NIT2: variants seen among roughly 807,000 people sequenced by gnomAD.
The protein encoded by NIT2 is nitrilase family member 2, also known as omega-amidase NIT2.
NIT2 carries 46 observed loss-of-function variants against 42.7 expected under a neutral mutation model. The observed-to-expected ratio is 1.08, with a 90% CI of 0.85 to 1.38. The LOEUF is 1.38. Ranked by LOEUF, NIT2 falls within the 40% of genes most tolerant of loss-of-function variation. NIT2 has a pLI of 0.00. For synonymous variants in NIT2, 123 were observed against 121.9 expected (o/e 1.01, Z -0.06); for missense variants, 309 against 342.5 (o/e 0.90, Z 0.77).
chr3:100,334,901 T>TC, intron 1 of NIT2, 103 bp downstream of exon 1: 1 of 1,107,342 alleles, frequency 9.0e-7, no homozygotes, highest in Non-Finnish European at 1.1e-6. Context: ...CCGCCCCGCG[T>TC]CCCCGCCGTG....
rs1228251910 is a variant in NIT2 at position 100,361,347 on chromosome 3, A to G, written c.*6079A>G. The stretch of plus-strand genomic sequence containing the variant: ...GTATTTGCTCTAGGTAAGCTGTTTC[A>G]TAGCCTTCCAGGACAACACTTGCAC... On this transcript the variant is annotated 3_prime_UTR_variant, in exon 10 of 10. Coordinates refer to ENST00000394140, the MANE Select transcript of NIT2 (RefSeq NM_020202.5). 6.6e-6 allele frequency: 1 copy of G among 152,200 alleles called. No homozygotes were observed. Among genetic ancestry groups the G allele is most frequent in the Non-Finnish European group, 1.5e-5 (1 of 68,040 alleles). The allele number at this position is 152,200 out of a possible 1,614,324, so 9.4% of individuals were successfully genotyped here. A position where few individuals can be genotyped will look rare whatever the true frequency, so the allele number is the denominator to read the frequency against.
At chr3:100,336,333 G>T (rs540288991) in intron 1 of NIT2, among the ~76,000 whole-genome samples, 1 of 152,184 alleles carries the variant, frequency 6.6e-6, no homozygotes, top group Non-Finnish European at 1.5e-5. Flanking sequence ...AATTGAAGGG[G>T]TGGGTTGCCC....
Position 100,356,577 on chromosome 3 carries a change from G to A in NIT2, c.*1309G>A, listed in dbSNP as rs1576205142. The A allele has an allele frequency of 6.6e-6, 1 of 152,226 alleles. No individual in the cohort carries two copies. The highest frequency in any genetic ancestry group is 6.5e-5 in the Admixed American group (1 of 15,300). The allele number at this position is 152,226 out of a possible 1,614,324, so 9.4% of individuals were successfully genotyped here. A position where few individuals can be genotyped will look rare whatever the true frequency, so the allele number is the denominator to read the frequency against. ...AATGACACGGTGTCATTTAACTTCT[G>A]GAAAACAACACTGTGTACTGAGAAC... On this transcript the variant is annotated 3_prime_UTR_variant, in exon 10 of 10. Transcript: ENST00000394140.
intron 8 of NIT2, among the ~76,000 whole-genome samples, chr3:100,353,130 A>G (rs951583156): frequency 6.6e-6 from 1 of 152,198 alleles, no homozygotes. Context: ...AATTGTTCTT[A>G]TTAAGCCCAG....
At chr3:100,345,425 G>C (rs976448631) in intron 4 of NIT2, among the ~76,000 whole-genome samples, 160 bp from the exon 5 acceptor site, 1 of 152,156 alleles carries the variant, frequency 6.6e-6, no homozygotes, top group African/African-American at 2.4e-5. Flanking sequence ...TTTTGATAAG[G>C]TGTCAGCCAG....
At chr3:100,344,394 A>G (rs1177213043) in intron 4 of NIT2, among the ~76,000 whole-genome samples, 1 of 152,218 alleles carries the variant, frequency 6.6e-6, no homozygotes, top group Admixed American at 6.5e-5. Context: ...AACCACAAGA[A>G]AACTGGTCTG....
rs189382050 is a variant in NIT2 at position 100,351,174 on chromosome 3, C to T, written c.585-1230C>T. 3.6e-3 allele frequency among the ~76,000 whole-genome samples: 552 copies of T among 152,246 alleles called. 4 individuals carry two copies. Among genetic ancestry groups the T allele is most frequent in the African/African-American group, 0.013 (528 of 41,524 alleles). On this transcript the variant is annotated intron_variant, in intron 7 of 9. Transcript: ENST00000394140. ...TAGTGCTGCAATAAACATATGTGTG[C>T]ATGTGTCTTTATAGCAGCATGATTT... is the stretch of plus-strand genomic sequence containing the variant.
rs371288028 is a variant in NIT2 at position 100,336,506 on chromosome 3, C to T, written c.7+1708C>T. Among the ~76,000 whole-genome samples the T allele has an allele frequency of 3.2e-3, 486 of 152,156 alleles. 3 individuals carry two copies. Among genetic ancestry groups the T allele is most frequent in the African/African-American group, 0.011 (457 of 41,492 alleles). On this transcript the variant is annotated intron_variant, in intron 1 of 9. Coordinates refer to ENST00000394140, the MANE Select transcript of NIT2 (RefSeq NM_020202.5). ...AGTTCCCTTAGTATTTATGATCATTCTTGGGTGTTTCTCGGAGAGGGGGAT... is the reference window on the plus strand; with the variant it reads ...AGTTCCCTTAGTATTTATGATCATTTTTGGGTGTTTCTCGGAGAGGGGGAT...
intron 1 of NIT2, among the ~76,000 whole-genome samples, chr3:100,338,062 C>A (rs1706098617): frequency 1.3e-5 from 2 of 152,118 alleles, no homozygotes; most frequent in African/African-American, 4.8e-5. Context: ...CAGAACAAGG[C>A]CCTGCCTCAA....
At chr3:100,346,775 T>C (rs997093376) in intron 6 of NIT2, among the ~76,000 whole-genome samples, 1 of 152,160 alleles carries the variant, frequency 6.6e-6, no homozygotes, top group Admixed American at 6.5e-5. Context: ...AGGAATGATA[T>C]GAGGATTAAG....
intron 6 of NIT2, 85 bp downstream of exon 6, chr3:100,346,340 G>A: frequency 8.5e-7 from 1 of 1,177,288 alleles, no homozygotes; most frequent in Non-Finnish European, 1.2e-6. Flanking sequence ...GTCAAGAAAA[G>A]CTGGGAGAGG....
At chr3:100,341,289 T>G in intron 4 of NIT2, 128 bp downstream of exon 4, 1 of 637,328 alleles carries the variant, frequency 1.6e-6, no homozygotes, top group South Asian at 2.0e-5. Context: ...TTTGACTGAT[T>G]GGCACAGGTG....
At chr3:100,352,527 G>A in intron 8 of NIT2, 25 bp downstream of exon 8, 1 of 1,582,256 alleles carries the variant, frequency 6.3e-7, no homozygotes, top group Non-Finnish European at 8.7e-7. Context: ...GTGAGAATAG[G>A]CTCAGTCGGA....
intron 1 of NIT2, 40 bp downstream of exon 1, chr3:100,334,838 C>G (rs754902874): frequency 5.8e-6 from 7 of 1,212,136 alleles, no homozygotes; most frequent in African/African-American, 3.1e-5. Flanking sequence ...GAGTTCGGGC[C>G]GCGGGGGAGG....
intron 6 of NIT2, 135 bp downstream of exon 6, chr3:100,346,390 G>A: frequency 1.4e-6 from 1 of 724,996 alleles, no homozygotes; most frequent in Non-Finnish European, 2.3e-6. Context: ...TCACCCCCAT[G>A]AGGCTTCCCA....
rs1272434321 is a variant in NIT2 at position 100,355,504 on chromosome 3, C to T, written c.*236C>T. The T allele has an allele frequency of 2.4e-6, 1 of 421,410 alleles. No individual in the cohort carries two copies. Among genetic ancestry groups the T allele is most frequent in the Non-Finnish European group, 4.2e-6 (1 of 238,918 alleles). 26.1% of individuals were successfully genotyped at this position (421,410 alleles called of 1,614,324 possible). A position where few individuals can be genotyped will look rare whatever the true frequency, so the allele number is the denominator to read the frequency against. On this transcript the variant is annotated 3_prime_UTR_variant, in exon 10 of 10. Transcript: ENST00000394140. ...AGCTGGGCTGGTTCTGAAGCTTCTT[C>T]CATACTTAAGTTGCCTCCAAGCAGT...
intron 5 of NIT2, 152 bp downstream of exon 5, chr3:100,345,830 C>A: frequency 3.2e-6 from 2 of 634,918 alleles, no homozygotes; most frequent in Admixed American, 5.8e-5. Flanking sequence ...CTGGAAAGTT[C>A]GGGCTTATTT....
chr3:100,342,124 T>G (rs1436903302), intron 4 of NIT2, among the ~76,000 whole-genome samples: 4 of 152,216 alleles, frequency 2.6e-5, no homozygotes, highest in African/African-American at 9.6e-5. Flanking sequence ...AATATCTCTT[T>G]TTTTTCTTGT....
chr3:100,353,825 G>C (rs1236309148), intron 8 of NIT2, among the ~76,000 whole-genome samples: 25 of 149,476 alleles, frequency 1.7e-4, no homozygotes, highest in African/African-American at 6.2e-4. Context: ...CCAGGCTGGA[G>C]TGCAGTGGTG....
Sources: gnomAD v4.1 joint callset for allele counts (sites outside exome capture counted in the v4.1 genomes callset) on GRCh38, gnomAD v4.1.1 for gene constraint, MANE v1.5 for transcripts, NCBI Gene and HGNC (gene_info 2026-07-23, HGNC 2026-07-21) for gene names.